The following JAG2 variants were observed in gnomAD, a reference collection of about 807,000 sequenced individuals.
JAG2 encodes jagged canonical Notch ligand 2, also known as protein jagged-2.
In JAG2, 46 loss-of-function variants were observed where a neutral mutation model predicts 141.7. The observed-to-expected ratio is 0.32, with a 90% confidence interval of 0.26 to 0.42. The LOEUF (loss-of-function observed/expected upper bound fraction) is 0.42, where lower values mean the gene tolerates loss of function less well. JAG2 is among the 10% of genes least tolerant of loss of function. The pLI is 1.00. For missense variants in JAG2, 1,500 were observed against 1,817.5 expected (o/e 0.83, Z 3.18); for synonymous variants, 862 against 763.5 (o/e 1.13, Z -2.13).
intron 25 of JAG2, 139 bp downstream of exon 25, chr14:105,143,343 G>A: frequency 3.9e-6 from 5 of 1,283,116 alleles, no homozygotes; most frequent in Non-Finnish European, 5.4e-6. Context: ...AGGTTGTGGG[G>A]CTGGGCGGCT....
chr14:105,146,846 G>A, intron 20 of JAG2, 122 bp from the exon 21 acceptor site: 1 of 822,466 alleles, frequency 1.2e-6, no homozygotes, highest in Non-Finnish European at 2.0e-6. Flanking sequence ...ATGAGGAGCA[G>A]CCCCTGCCCC....
At chr14:105,144,055 G>A (rs1271987359) in intron 24 of JAG2, among the ~76,000 whole-genome samples, 4 of 151,102 alleles carry the variant, frequency 2.6e-5, no homozygotes, top group South Asian at 4.2e-4. Flanking sequence ...AGGAGAGCCC[G>A]GGGTCCTGCG....
rs1368959697 is a variant in JAG2 at position 105,149,275 on chromosome 14, G to A, written c.1648C>T (p.Arg550Cys). 4.3e-6 allele frequency: 7 copies of A among 1,612,590 alleles called. No homozygotes were observed. Among genetic ancestry groups the A allele is most frequent in the African/African-American group, 2.7e-5 (2 of 74,942 alleles). ...CEPSPCRNGA[R>C]CYNLEGDYYC... ...TAGTCACCCTCCAGGTTATAGCAGC[G>A]AGCGCCGTTCCGGCAGGGGCTTGGC... Residue 550 changes from arginine (R) to cysteine (C), a missense_variant, in exon 13 of 26, where the codon CGC (arginine) becomes TGC (cysteine). By Grantham distance (180) the Arg-to-Cys change is radical. This residue lies in a region of JAG2 where 875 missense variants were observed against 1,202.2 expected (regional missense o/e 0.73). Coordinates refer to ENST00000331782, the MANE Select transcript of JAG2 (RefSeq NM_002226.5).
At position 105,149,257 on chromosome 14, in the gene JAG2, C is replaced by T. The variant is rs747334360; in HGVS notation, c.1666G>A (p.Gly556Ser). The T allele has an allele frequency of 1.1e-5, 18 of 1,612,696 alleles. No homozygotes were observed. In the Admixed American group the frequency reaches 2.3e-4, roughly 21 times the overall value. ...TCAGGGCAGGCGCAGTAATAGTCAC[C>T]CTCCAGGTTATAGCAGCGAGCGCCG... ...RNGARCYNLEGDYYCACPDDF... is the reference protein window; with the variant it reads ...RNGARCYNLESDYYCACPDDF... Residue 556 changes from glycine to serine, a missense_variant, in exon 13 of 26, where the codon GGT becomes AGT. Around this residue, in one of 3 missense-constraint regions of JAG2, gnomAD observed 875 missense variants for 1,202.2 expected, o/e 0.73. Coordinates refer to ENST00000331782, the MANE Select transcript of JAG2 (RefSeq NM_002226.5).
rs925558431 is a variant in JAG2 at position 105,161,981 on chromosome 14, T to C, written c.418-4218A>G. 8.5e-5 allele frequency among the ~76,000 whole-genome samples: 13 copies of C among 152,330 alleles called. No individual in the cohort carries two copies. In the East Asian group the frequency reaches 2.3e-3, roughly 27 times the overall value. On this transcript the variant is annotated intron_variant, in intron 2 of 25. Coordinates refer to ENST00000331782, the MANE Select transcript of JAG2 (RefSeq NM_002226.5). ...AACCCCTAGAACACAGGAGGGACTATAGGGCCTGGATTGGGCGGGGGTTGG... is the reference window on the plus strand; with the variant it reads ...AACCCCTAGAACACAGGAGGGACTACAGGGCCTGGATTGGGCGGGGGTTGG...
chr14:105,157,247 T>A (rs587624427), intron 3 of JAG2, among the ~76,000 whole-genome samples: 1 of 152,164 alleles, frequency 6.6e-6, no homozygotes. Context: ...AGCCCGCTCC[T>A]GCCCAGACCT....
intron 2 of JAG2, among the ~76,000 whole-genome samples, chr14:105,163,907 G>A (rs1888833894): frequency 6.6e-6 from 1 of 152,086 alleles, no homozygotes; most frequent in Non-Finnish European, 1.5e-5. Context: ...TGTGGCTGGG[G>A]CCTGGGATTG....
chr14:105,151,213 C>CAGCCCCAGCAGCCCCA (rs1555370222), intron 9 of JAG2, 70 bp downstream of exon 9: 2 of 1,372,608 alleles, frequency 1.5e-6, no homozygotes, highest in Non-Finnish European at 2.0e-6. Context: ...CAGCAGCCCC[C>CAGCCCCAGCAGCCCCA]GCAGCCCCAG....
In JAG2 at chr14:105,167,709, G is replaced by A. The variant is rs1486892787; in HGVS notation, c.417+48C>T. On this transcript the variant is annotated intron_variant, in intron 2 of 25. Transcript: ENST00000331782. This position sits in a 1 kb window ranked among gnomAD's most constrained non-coding sequence, Gnocchi z 4.8. ...GTCGCGAAGCGCGCGGGGCCGGGGC[G>A]CGGAGAGAGAGGGAAGGGCTGGAGC... 14 of 1,383,898 alleles carry A rather than the reference G, an allele frequency of 1.0e-5. No homozygotes were observed. The highest frequency in any genetic ancestry group is 1.3e-5 in the Non-Finnish European group (14 of 1,067,788). The allele number at this position is 1,383,898 out of a possible 1,614,324, so 85.7% of individuals were successfully genotyped here.
chr14:105,164,463 G>A (rs991714589), intron 2 of JAG2, among the ~76,000 whole-genome samples: 3 of 152,352 alleles, frequency 2.0e-5, no homozygotes, highest in East Asian at 3.9e-4. Context: ...GTGTGGGAAG[G>A]AGGGGGGTGG....
intron 5 of JAG2, among the ~76,000 whole-genome samples, chr14:105,152,710 G>A (rs1249743059): frequency 2.6e-5 from 4 of 152,146 alleles, no homozygotes; most frequent in Admixed American, 1.3e-4. Context: ...GCTCTGCCTC[G>A]GCCATGTGGC....
Position 105,142,192 on chromosome 14 carries a change from CGACAGCCACAGGTCCCATT to C in JAG2, c.*484_*502del, listed in dbSNP as rs1888077474. On this transcript the variant is annotated 3_prime_UTR_variant, in exon 26 of 26. Coordinates refer to ENST00000331782, the MANE Select transcript of JAG2 (RefSeq NM_002226.5). ...TCCCACCGACCACCGTAGGTCCCAC[CGACAGCCACAGGTCCCATT>C]GACAGCCACGAGTCCCACCGACAGC... 1 of 162,390 alleles carries C rather than the reference CGACAGCCACAGGTCCCATT, an allele frequency of 6.2e-6. No individual in the cohort carries two copies. The highest frequency in any genetic ancestry group is 6.4e-5 in the Admixed American group (1 of 15,602). The allele number at this position is 162,390 out of a possible 1,614,324, so 10.1% of individuals were successfully genotyped here. A position where few individuals can be genotyped will look rare whatever the true frequency, so the allele number is the denominator to read the frequency against.
At chr14:105,149,792 G>A (rs1482222905) in intron 12 of JAG2, among the ~76,000 whole-genome samples, 1 of 142,254 alleles carries the variant, frequency 7.0e-6, no homozygotes, top group African/African-American at 2.7e-5. Flanking sequence ...GGGCGGCCGA[G>A]GGTGGTAGGG....
intron 2 of JAG2, among the ~76,000 whole-genome samples, chr14:105,158,227 CA>C (rs1888634637): frequency 6.6e-6 from 1 of 152,152 alleles, no homozygotes; most frequent in African/African-American, 2.4e-5. Context: ...GCCCCATCAC[CA>C]CGCTGGCGGC....
intron 9 of JAG2, 49 bp downstream of exon 9, chr14:105,151,234 A>T (rs1341778575): frequency 1.3e-6 from 2 of 1,569,490 alleles, no homozygotes; most frequent in South Asian, 2.3e-5. Context: ...CAGCCCCCGC[A>T]GCCCGCATGC....
chr14:105,162,279 G>C (rs913858358), intron 2 of JAG2, among the ~76,000 whole-genome samples: 9 of 151,952 alleles, frequency 5.9e-5, no homozygotes, highest in African/African-American at 2.2e-4. Context: ...AGCCCGGCCT[G>C]ACCCACCCCC....
chr14:105,143,254 C>G, intron 25 of JAG2, 84 bp from the exon 26 acceptor site: 1 of 1,480,740 alleles, frequency 6.8e-7, no homozygotes, highest in Non-Finnish European at 9.1e-7. Flanking sequence ...CTGGGAGGGC[C>G]CTGCGGGCCA....
rs972362140 is a variant in JAG2, at chr14:105,167,535, C to T, written c.417+222G>A. Among the ~76,000 whole-genome samples the T allele has an allele frequency of 6.8e-6, 1 of 147,636 alleles. No homozygotes were observed. Among genetic ancestry groups the T allele is most frequent in the Non-Finnish European group, 1.5e-5 (1 of 66,328 alleles). The stretch of plus-strand genomic sequence containing the variant: ...ACGCGGGACGCCGCCGCCCCGCCCC[C>T]GCCGCGACCCCGCTCCCGGTGGCCC... On this transcript the variant is annotated intron_variant, in intron 2 of 25. Coordinates refer to ENST00000331782, the MANE Select transcript of JAG2 (RefSeq NM_002226.5). The surrounding 1 kb of genome is among the most constrained non-coding windows in gnomAD (Gnocchi z 4.8).
intron 2 of JAG2, among the ~76,000 whole-genome samples, chr14:105,162,918 G>C (rs1408494982): frequency 1.3e-5 from 1 of 77,198 alleles, no homozygotes; most frequent in Non-Finnish European, 2.5e-5. Flanking sequence ...ACTGCCCACT[G>C]TACCCCAATC....
Sources: gnomAD v4.1 joint callset for allele counts (sites outside exome capture counted in the v4.1 genomes callset) on GRCh38, gnomAD v4.1.1 for gene constraint, gnomAD v4.1.1 regional missense constraint, Gnocchi (gnomAD v3.1) non-coding constraint, MANE v1.5 for transcripts, NCBI Gene and HGNC (gene_info 2026-07-23, HGNC 2026-07-21) for gene names.